PTPA: variants seen among roughly 807,000 people sequenced by gnomAD.
PTPA encodes the protein serine/threonine-protein phosphatase 2A activator.
Under a neutral mutation model 43.6 loss-of-function variants are expected in PTPA, and 13 were observed. That is an observed-to-expected ratio of 0.30 (90% confidence interval 0.19 to 0.47). PTPA has a LOEUF of 0.47. Among genes scored for constraint, PTPA ranks in the 20% least tolerant of loss-of-function variants. The pLI is 0.99. For synonymous variants in PTPA, 172 were observed against 158.2 expected (o/e 1.09, Z -0.66); for missense variants, 329 against 411.9 (o/e 0.80, Z 1.74).
At chr9:129,136,433 CT>C in intron 6 of PTPA, 37 bp from the exon 7 acceptor site, 1 of 1,582,088 alleles carries the variant, frequency 6.3e-7, no homozygotes, top group Non-Finnish European at 8.6e-7. Flanking sequence ...TGTCTTTTTA[CT>C]TTTTGCTACC....
intron 3 of PTPA, among the ~76,000 whole-genome samples, chr9:129,125,552 T>C (rs138295781): frequency 6.6e-6 from 1 of 152,302 alleles, no homozygotes; most frequent in African/African-American, 2.4e-5. Flanking sequence ...CCAGGTATTG[T>C]CTTAGCTCAA....
chr9:129,145,480 A>C (rs1851235790), intron 9 of PTPA, among the ~76,000 whole-genome samples: 1 of 152,166 alleles, frequency 6.6e-6, no homozygotes, highest in African/African-American at 2.4e-5. Context: ...TTGTTTTCTC[A>C]GGCCAGTTCT....
chr9:129,140,796 T>G (rs1335306407), intron 8 of PTPA, among the ~76,000 whole-genome samples: 112 of 12,996 alleles, frequency 8.6e-3, no homozygotes, highest in African/African-American at 0.025. Context: ...AGGGGTGGGG[T>G]AGGGTGGGGA....
chr9:129,145,981 G>C (rs1851272114), intron 9 of PTPA, among the ~76,000 whole-genome samples: 1 of 152,124 alleles, frequency 6.6e-6, no homozygotes, highest in Non-Finnish European at 1.5e-5. Flanking sequence ...GAGGGGGCTG[G>C]CTCTGGGGTC....
intron 6 of PTPA, 29 bp from the exon 7 acceptor site, chr9:129,136,442 A>T: frequency 6.3e-7 from 1 of 1,587,918 alleles, no homozygotes. Flanking sequence ...ACTTTTTGCT[A>T]CCTTCCCTTT....
At chr9:129,116,674 T>C (rs1485082460) in intron 1 of PTPA, among the ~76,000 whole-genome samples, 2 of 152,064 alleles carry the variant, frequency 1.3e-5, no homozygotes, top group African/African-American at 2.4e-5. Context: ...CGTGAGCCAC[T>C]GTGCCCGGCC....
At chr9:129,147,342 G>A (rs1851370488) in intron 9 of PTPA, 45 bp from the exon 10 acceptor site, 3 of 1,589,376 alleles carry the variant, frequency 1.9e-6, no homozygotes, top group Middle Eastern at 1.7e-4. Context: ...TGGCAGGGGT[G>A]TGGTGTGGCC....
intron 3 of PTPA, among the ~76,000 whole-genome samples, chr9:129,127,636 T>C (rs1208124395): frequency 6.6e-6 from 1 of 152,198 alleles, no homozygotes; most frequent in Non-Finnish European, 1.5e-5. Context: ...ACCCGATTTC[T>C]TCATTGAGTA....
At chr9:129,145,698 C>T (rs562470120) in intron 9 of PTPA, among the ~76,000 whole-genome samples, 24 of 152,150 alleles carry the variant, frequency 1.6e-4, no homozygotes, top group Admixed American at 7.2e-4. Flanking sequence ...ACCAAGTGCT[C>T]TCAGGGGCCT....
intron 3 of PTPA, chr9:129,127,973 G>A (rs1269318238): frequency 7.5e-7 from 1 of 1,335,192 alleles, no homozygotes; most frequent in Non-Finnish European, 9.9e-7. Context: ...GATGTGGAAT[G>A]AGGTTCATGA....
At chr9:129,127,528 C>T (rs1849658547) in intron 3 of PTPA, among the ~76,000 whole-genome samples, 1 of 152,230 alleles carries the variant, frequency 6.6e-6, no homozygotes, top group African/African-American at 2.4e-5. Flanking sequence ...CAGATAGCCT[C>T]CGCGTTGTAT....
At chr9:129,125,396 C>T (rs151190929) in intron 3 of PTPA, among the ~76,000 whole-genome samples, 5,721 of 152,058 alleles carry the variant, frequency 0.038, 345 homozygotes, top group African/African-American at 0.13. Flanking sequence ...GGATTACAGG[C>T]GCCCACCACC....
chr9:129,137,666 C>T lies in PTPA; in HGVS notation c.760C>T (p.Leu254=), dbSNP rs1564197820. 6.8e-6 allele frequency: 11 copies of T among 1,610,644 alleles called. No individual in the cohort carries two copies. The highest frequency in any genetic ancestry group is 2.7e-5 in the African/African-American group (2 of 74,894). ...TGAGAACCACAAGGACTACATGTTC[C>T]TGGAGTGTATCCTGTTTATTACCGA... is the stretch of plus-strand genomic sequence containing the variant. The part of the protein sequence containing the change: ...VNENHKDYMF[L]ECILFITEMK... The change falls in exon 8 of 10, where the codon CTG becomes TTG. Residue 254 remains leucine (L), a synonymous_variant. Coordinates refer to ENST00000393370, the MANE Select transcript of PTPA (RefSeq NM_178000.3).
Position 129,111,501 on chromosome 9 carries a change from C to T in PTPA, c.-100C>T, listed in dbSNP as rs1193354392. The T allele has an allele frequency of 7.9e-7, 1 of 1,268,212 alleles. No homozygotes were observed. Among genetic ancestry groups the T allele is most frequent in the Non-Finnish European group, 1.0e-6 (1 of 998,636 alleles). 78.6% of individuals were successfully genotyped at this position (1,268,212 alleles called of 1,614,324 possible). Reference sequence around the variant, plus strand: ...CCGGCGCTCACTTGTCTTCAGGAAGCTCGGAGCCTTTGGTGGAGCCGGGGA... The same window carrying T: ...CCGGCGCTCACTTGTCTTCAGGAAGTTCGGAGCCTTTGGTGGAGCCGGGGA... On this transcript the variant is annotated 5_prime_UTR_variant, in exon 1 of 10. Transcript: ENST00000393370.
intron 9 of PTPA, among the ~76,000 whole-genome samples, chr9:129,146,873 C>T (rs1484770673): frequency 6.6e-6 from 1 of 152,190 alleles, no homozygotes; most frequent in African/African-American, 2.4e-5. Flanking sequence ...TGGGAATTGC[C>T]CAGGGGTGGG....
At chr9:129,115,833 G>A (rs935345967) in intron 1 of PTPA, among the ~76,000 whole-genome samples, 4 of 150,154 alleles carry the variant, frequency 2.7e-5, no homozygotes, top group African/African-American at 9.8e-5. Context: ...GTAGATATGG[G>A]GCTTCACCAT....
chr9:129,131,798 G>A (rs979387940), intron 5 of PTPA, among the ~76,000 whole-genome samples, 159 bp downstream of exon 5: 10 of 152,194 alleles, frequency 6.6e-5, no homozygotes, highest in African/African-American at 1.9e-4. Context: ...TGGCTTCACC[G>A]GCAGGGAGGG....
intron 4 of PTPA, among the ~76,000 whole-genome samples, chr9:129,131,127 C>T (rs7036114): frequency 0.7 from 105,897 of 152,120 alleles, 36,974 homozygotes; most frequent in Non-Finnish European, 0.7. Context: ...TTCTTCTGCA[C>T]GTCTTTTGAT....
chr9:129,120,789 C>G (rs1050353598), intron 2 of PTPA, among the ~76,000 whole-genome samples, 179 bp downstream of exon 2: 1 of 152,160 alleles, frequency 6.6e-6, no homozygotes, highest in Admixed American at 6.5e-5. Flanking sequence ...CTCAGAGATG[C>G]TTTATCAGGA....
Sources: allele counts gnomAD v4.1 joint callset (sites outside exome capture counted in the v4.1 genomes callset), GRCh38; gene constraint gnomAD v4.1.1; transcripts MANE v1.5; gene names NCBI Gene and HGNC (gene_info 2026-07-23, HGNC 2026-07-21).